Variants in NVL observed in about 807,000 individuals in gnomAD.
NVL encodes the protein nuclear valosin-containing protein-like.
A neutral mutation model predicts 110.2 loss-of-function variants in NVL; 84 were observed. The ratio of observed to expected loss-of-function variants is 0.76; its 90% confidence interval spans 0.64 to 0.91. NVL has a LOEUF of 0.91. Ranked by LOEUF, NVL falls within the 40% of genes least tolerant of loss-of-function variation. The pLI is 0.00. For synonymous variants in NVL, 354 were observed against 361.1 expected (o/e 0.98, Z 0.22); for missense variants, 882 against 1,035.9 (o/e 0.85, Z 2.04).
chr1:224,234,849 T>G (rs1034632989), intron 20 of NVL, among the ~76,000 whole-genome samples: 1 of 152,198 alleles, frequency 6.6e-6, no homozygotes, highest in African/African-American at 2.4e-5. Flanking sequence ...CCCTAACCCC[T>G]TCACAGACTG....
rs374237316 is a variant in NVL at position 224,326,427 on chromosome 1, A to G, written c.95T>C (p.Ile32Thr). The change falls in exon 2 of 23, where the codon ATT (isoleucine) becomes ACT (threonine). Residue 32 changes from isoleucine to threonine, a missense_variant. By Grantham distance (89) the Ile-to-Thr change is moderately conservative (BLOSUM62 -1). Coordinates refer to ENST00000281701, the MANE Select transcript of NVL (RefSeq NM_002533.4). ...TSNKCGKYVD[I>T]GVLASDLQRV... Reference sequence around the variant, plus strand: ...TTGTAAATCAGACGCTAAGACTCCAATGTCCACATATTTGCCACATTTGTT... The same window carrying G: ...TTGTAAATCAGACGCTAAGACTCCAGTGTCCACATATTTGCCACATTTGTT... 12 of 1,612,592 alleles carry G rather than the reference A, an allele frequency of 7.4e-6. No homozygotes were observed. The highest frequency in any genetic ancestry group is 1.1e-5 in the South Asian group (1 of 90,894).
intron 5 of NVL, among the ~76,000 whole-genome samples, chr1:224,310,512 G>A (rs1263312907): frequency 6.6e-6 from 1 of 151,892 alleles, no homozygotes; most frequent in East Asian, 1.9e-4. Context: ...ATTCTTGTCT[G>A]CCCTTATTTC....
At chr1:224,326,131 T>C (rs1255838316) in intron 2 of NVL, among the ~76,000 whole-genome samples, 1 of 152,298 alleles carries the variant, frequency 6.6e-6, no homozygotes, top group Admixed American at 6.5e-5. Context: ...AGTGATATAA[T>C]AACATCTCTA....
chr1:224,271,885 G>A lies in NVL; in HGVS notation c.2082+3454C>T, dbSNP rs1475145112. Among the ~76,000 whole-genome samples, 5 of 151,872 alleles carry A rather than the reference G, an allele frequency of 3.3e-5. No individual in the cohort carries two copies. The East Asian group carries it at 9.7e-4, about 30-fold the overall frequency. On this transcript the variant is annotated intron_variant, in intron 17 of 22. Transcript: ENST00000281701. ...AAAAATTAGCCAGGCGTGGTGGTGT[G>A]CGCCTGTAATCCCAGCTACTCGGGA...
chr1:224,306,618 G>A (rs1668946617), intron 6 of NVL, among the ~76,000 whole-genome samples: 1 of 152,166 alleles, frequency 6.6e-6, no homozygotes, highest in Non-Finnish European at 1.5e-5. Context: ...GATCACTTGA[G>A]CTCAGGAGTT....
At chr1:224,244,363 G>A (rs892909464) in intron 19 of NVL, among the ~76,000 whole-genome samples, 2 of 150,574 alleles carry the variant, frequency 1.3e-5, no homozygotes, top group Non-Finnish European at 3.0e-5. Flanking sequence ...GCAAAACTCC[G>A]TCTCAAAAAA....
chr1:224,313,158 CAA>C (rs760756328), intron 4 of NVL: 2,095 of 78,344 alleles, frequency 0.027, 6 homozygotes, highest in South Asian at 0.066. Context: ...GACGCTGTCT[CAA>C]AAAAAAAAAA....
At chr1:224,274,563 GGA>G (rs1665558192) in intron 17 of NVL, among the ~76,000 whole-genome samples, 1 of 152,004 alleles carries the variant, frequency 6.6e-6, no homozygotes, top group African/African-American at 2.4e-5. Flanking sequence ...CTTGAACCCA[GGA>G]GGCGGAAGTT....
At chr1:224,251,927 C>T (rs907090270) in intron 18 of NVL, among the ~76,000 whole-genome samples, 2 of 152,146 alleles carry the variant, frequency 1.3e-5, no homozygotes, top group Non-Finnish European at 2.9e-5. Context: ...TTTACAATGC[C>T]GCTAGTGTTA....
intron 11 of NVL, among the ~76,000 whole-genome samples, chr1:224,294,737 C>A (rs961063189): frequency 4.6e-5 from 7 of 152,036 alleles, no homozygotes; most frequent in African/African-American, 1.7e-4. Flanking sequence ...TGAATTCCAA[C>A]TGAGGAATAA....
intron 6 of NVL, among the ~76,000 whole-genome samples, chr1:224,305,918 C>T (rs1668871692): frequency 6.6e-6 from 1 of 152,238 alleles, no homozygotes; most frequent in Non-Finnish European, 1.5e-5. Flanking sequence ...TTGGAATAAT[C>T]TGCCTTGTAT....
intron 22 of NVL, among the ~76,000 whole-genome samples, chr1:224,230,862 G>A (rs1278159770): frequency 4.6e-5 from 7 of 151,504 alleles, no homozygotes; most frequent in African/African-American, 7.3e-5. Context: ...AGCCGGGCGC[G>A]GTGGCTCACG....
intron 10 of NVL, among the ~76,000 whole-genome samples, chr1:224,299,933 T>A (rs1668238034): frequency 6.6e-6 from 1 of 152,256 alleles, no homozygotes; most frequent in Admixed American, 6.5e-5. Context: ...CTATATATTG[T>A]CATTGCTAAT....
At chr1:224,318,711 C>T (rs934393939) in intron 2 of NVL, among the ~76,000 whole-genome samples, 2 of 150,838 alleles carry the variant, frequency 1.3e-5, no homozygotes, top group African/African-American at 4.9e-5. Flanking sequence ...CAGCCAGGTG[C>T]GGTGGCTCAC....
intron 5 of NVL, among the ~76,000 whole-genome samples, chr1:224,309,983 GA>G (rs1391238266): frequency 6.6e-6 from 1 of 150,786 alleles, no homozygotes; most frequent in African/African-American, 2.4e-5. Flanking sequence ...GAGCCGAGAT[GA>G]CACCACTGAA....
At chr1:224,237,974 AAAAAAAAAAAAG>A (rs1331334031) in intron 19 of NVL, among the ~76,000 whole-genome samples, 9 of 10,798 alleles carry the variant, frequency 8.3e-4, no homozygotes, top group Non-Finnish European at 4.9e-3. Context: ...AAAAAAAAAA[AAAAAAAAAAAAG>A]AAGAAACACA....
chr1:224,252,694 A>G (rs989080887), intron 18 of NVL, among the ~76,000 whole-genome samples: 1 of 152,212 alleles, frequency 6.6e-6, no homozygotes, highest in Non-Finnish European at 1.5e-5. Flanking sequence ...ATAGGAAAGA[A>G]TATTACTGCA....
intron 18 of NVL, among the ~76,000 whole-genome samples, chr1:224,254,390 ATTTT>A (rs36065511): frequency 3.9e-4 from 33 of 84,272 alleles, no homozygotes; most frequent in African/African-American, 1.3e-3. Context: ...AGTGCCTGGC[ATTTT>A]TTTTTTTTTT....
chr1:224,282,748 G>A (rs1351851234), intron 15 of NVL, among the ~76,000 whole-genome samples: 1 of 152,064 alleles, frequency 6.6e-6, no homozygotes, highest in East Asian at 1.9e-4. Context: ...TTCTAAAACT[G>A]GACTCCCAAT....
Sources: allele counts gnomAD v4.1 joint callset (sites outside exome capture counted in the v4.1 genomes callset), GRCh38; gene constraint gnomAD v4.1.1; transcripts MANE v1.5; gene names NCBI Gene and HGNC (gene_info 2026-07-23, HGNC 2026-07-21).